The following MEGF10 variants were observed in gnomAD, a reference collection of about 807,000 sequenced individuals.
The protein encoded by MEGF10 is multiple epidermal growth factor-like domains protein 10.
MEGF10 carries 86 observed loss-of-function variants against 147.5 expected under a neutral mutation model. That is an observed-to-expected ratio of 0.58 (90% CI 0.49 to 0.70). MEGF10 has a LOEUF of 0.70. Among genes scored for constraint, MEGF10 ranks in the 30% least tolerant of loss-of-function variants. The pLI is 0.00. For missense variants in MEGF10, 1,329 were observed against 1,487.3 expected (o/e 0.89, Z 1.75); for synonymous variants, 478 against 525.5 (o/e 0.91, Z 1.24).
chr5:127,319,992 A>G lies in MEGF10; in HGVS notation c.-18-11299A>G, dbSNP rs145325088. Among the ~76,000 whole-genome samples, 87 of 152,320 alleles carry G rather than the reference A, an allele frequency of 5.7e-4. 1 individual carries two copies. The highest frequency in any genetic ancestry group is 6.8e-3 in the Middle Eastern group (2 of 294). ...ACTTTTAATATCTCCAGACCACAGC[A>G]TCATCATCTGTAAAATTAGAGTGTT... On this transcript the variant is annotated intron_variant, in intron 1 of 24. Coordinates refer to ENST00000503335, the MANE Select transcript of MEGF10 (RefSeq NM_001256545.2).
chr5:127,374,269 A>C (rs893650060), intron 5 of MEGF10, among the ~76,000 whole-genome samples: 2 of 152,256 alleles, frequency 1.3e-5, no homozygotes. Context: ...CTCTGAGTGC[A>C]CTGGAAGTAG....
intron 6 of MEGF10, 135 bp from the exon 7 acceptor site, chr5:127,398,541 C>A: frequency 9.7e-7 from 1 of 1,031,924 alleles, no homozygotes; most frequent in Non-Finnish European, 1.4e-6. Flanking sequence ...GATTAATGTT[C>A]TTGATGTTAA....
intron 1 of MEGF10, among the ~76,000 whole-genome samples, chr5:127,320,411 G>T (rs1274820189): frequency 1.3e-5 from 2 of 152,176 alleles, no homozygotes; most frequent in African/African-American, 4.8e-5. Flanking sequence ...ATATGAGATT[G>T]TTCTCCAACC....
At chr5:127,243,312 T>C in the MEGF10 span, among the ~76,000 whole-genome samples, 3 of 152,170 alleles carry the variant, frequency 2.0e-5, no homozygotes, top group Non-Finnish European at 2.9e-5. Context: ...CAGAAGTTCA[T>C]AGTAAATTCA....
At chr5:127,381,240 C>G (rs1246419997) in intron 5 of MEGF10, among the ~76,000 whole-genome samples, 1 of 152,176 alleles carries the variant, frequency 6.6e-6, no homozygotes, top group South Asian at 2.1e-4. Context: ...CAAAGAAATG[C>G]AGACTACAAA....
chr5:127,419,744 A>G (rs1409887002), intron 11 of MEGF10, among the ~76,000 whole-genome samples: 1 of 152,200 alleles, frequency 6.6e-6, no homozygotes, highest in East Asian at 1.9e-4. Flanking sequence ...AGCATTCCAC[A>G]GTGTGCATCA....
At chr5:127,448,360 C>T (rs1766027065) in intron 21 of MEGF10, among the ~76,000 whole-genome samples, 1 of 152,202 alleles carries the variant, frequency 6.6e-6, no homozygotes, top group African/African-American at 2.4e-5. Flanking sequence ...AACTGAGTCA[C>T]AGAGAGGTTG....
At chr5:127,247,168 A>G in the MEGF10 span, among the ~76,000 whole-genome samples, 2 of 145,660 alleles carry the variant, frequency 1.4e-5, no homozygotes, top group East Asian at 2.0e-4. Flanking sequence ...AGAATAAATT[A>G]AAACATGTTT....
intron 4 of MEGF10, among the ~76,000 whole-genome samples, chr5:127,357,790 T>C (rs1473165863): frequency 1.3e-5 from 2 of 152,110 alleles, no homozygotes; most frequent in Admixed American, 6.5e-5. Flanking sequence ...TTTTAAACAA[T>C]TTTAACTTAA....
chr5:127,330,132 T>C (rs1263984469), intron 1 of MEGF10, among the ~76,000 whole-genome samples: 1 of 152,124 alleles, frequency 6.6e-6, no homozygotes, highest in Non-Finnish European at 1.5e-5. Flanking sequence ...CCTTAATCCA[T>C]GTTCAATAGA....
At chr5:127,233,638 T>G in the MEGF10 span, among the ~76,000 whole-genome samples, 4 of 152,230 alleles carry the variant, frequency 2.6e-5, no homozygotes, top group Admixed American at 6.5e-5. Context: ...TATTCATACT[T>G]TATTATTCAC....
intron 1 of MEGF10, among the ~76,000 whole-genome samples, chr5:127,316,981 A>G (rs1760573776): frequency 6.6e-6 from 1 of 152,228 alleles, no homozygotes; most frequent in Non-Finnish European, 1.5e-5. Context: ...AAGGAACAGC[A>G]TGGGCGAAGA....
chr5:127,301,621 C>G (rs1363940011), intron 1 of MEGF10, among the ~76,000 whole-genome samples: 1 of 152,154 alleles, frequency 6.6e-6, no homozygotes, highest in Non-Finnish European at 1.5e-5. Context: ...GTATGACAAA[C>G]TGGGCTGGAA....
the MEGF10 span, among the ~76,000 whole-genome samples, chr5:127,283,015 T>C: frequency 6.6e-6 from 1 of 152,228 alleles, no homozygotes; most frequent in East Asian, 1.9e-4. Context: ...AAAGGGATTC[T>C]TGCTCATTTT....
intron 22 of MEGF10, among the ~76,000 whole-genome samples, chr5:127,451,105 A>G (rs1421289892): frequency 1.3e-5 from 2 of 152,144 alleles, no homozygotes; most frequent in Admixed American, 6.6e-5. Context: ...TCTCCTGTGA[A>G]TCTTGTTTTG....
rs1057037514 is a variant in MEGF10 at position 127,291,029 on chromosome 5, C to T, written c.-46C>T. ...TGAAGACCGGGGAGAAAAGGTTGCGCTGCGATTCTCAAGATCTCTGGACCT... is the reference window on the plus strand; with the variant it reads ...TGAAGACCGGGGAGAAAAGGTTGCGTTGCGATTCTCAAGATCTCTGGACCT... On this transcript the variant is annotated 5_prime_UTR_variant, in exon 1 of 25. Coordinates refer to ENST00000503335, the MANE Select transcript of MEGF10 (RefSeq NM_001256545.2). The T allele has an allele frequency of 5.9e-5, 9 of 152,426 alleles. No homozygotes were observed. Among genetic ancestry groups the T allele is most frequent in the African/African-American group, 1.9e-4 (8 of 41,570 alleles). 9.4% of individuals were successfully genotyped at this position (152,426 alleles called of 1,614,324 possible). A position where few individuals can be genotyped will look rare whatever the true frequency, so the allele number is the denominator to read the frequency against.
chr5:127,384,487 C>T (rs532210429), intron 5 of MEGF10, among the ~76,000 whole-genome samples: 3 of 152,206 alleles, frequency 2.0e-5, no homozygotes, highest in Non-Finnish European at 2.9e-5. Context: ...TTTCCTGCAC[C>T]GTGAATAGGG....
intron 21 of MEGF10, among the ~76,000 whole-genome samples, chr5:127,448,510 A>T (rs1328033505): frequency 6.6e-6 from 1 of 152,184 alleles, no homozygotes; most frequent in Non-Finnish European, 1.5e-5. Context: ...CTGTTGTCTA[A>T]TTCCAGTGCT....
At chr5:127,264,862 A>C in the MEGF10 span, among the ~76,000 whole-genome samples, 43 of 152,134 alleles carry the variant, frequency 2.8e-4, no homozygotes, top group African/African-American at 1.0e-3. Context: ...CAGGTTTGTT[A>C]CATAGGTAAA....
Sources: gnomAD v4.1 joint callset for allele counts (sites outside exome capture counted in the v4.1 genomes callset) on GRCh38, gnomAD v4.1.1 for gene constraint, MANE v1.5 for transcripts, NCBI Gene and HGNC (gene_info 2026-07-23, HGNC 2026-07-21) for gene names.